Variants in TIE1 observed in about 807,000 individuals in gnomAD.
TIE1 encodes tyrosine-protein kinase receptor Tie-1.
A neutral mutation model predicts 130.5 loss-of-function variants in TIE1; 89 were observed. The observed-to-expected ratio is 0.68, with a 90% confidence interval of 0.57 to 0.81. The LOEUF (loss-of-function observed/expected upper bound fraction) is 0.81. Among genes scored for constraint, TIE1 ranks in the 40% least tolerant of loss-of-function variants. The pLI is 0.00. For missense variants in TIE1, 1,392 were observed against 1,559.8 expected (o/e 0.89, Z 1.81); for synonymous variants, 568 against 629.4 (o/e 0.90, Z 1.46).
Position 43,322,576 on chromosome 1 carries a change from C to A in TIE1, c.3346-75C>A. The A allele has an allele frequency of 1.8e-6, 2 of 1,140,280 alleles. No individual in the cohort carries two copies. Among genetic ancestry groups the A allele is most frequent in the Non-Finnish European group, 2.6e-6 (2 of 758,768 alleles). The allele number at this position is 1,140,280 out of a possible 1,614,324, so 70.6% of individuals were successfully genotyped here. On this transcript the variant is annotated intron_variant, in intron 22 of 22. Coordinates refer to ENST00000372476, the MANE Select transcript of TIE1 (RefSeq NM_005424.5). This position sits in a 1 kb window ranked among gnomAD's most constrained non-coding sequence, Gnocchi z 4.0. ...TCAGTGTCAGTTCAAATGCCCCCAC[C>A]ACATGGAAGTCCAGGAGCTTGAGGC...
Position 43,309,092 on chromosome 1 carries a change from C to T in TIE1, c.1149C>T (p.Gly383=). Residue 383 remains glycine, a synonymous_variant, in exon 8 of 23, where the codon GGC becomes GGT. Transcript: ENST00000372476. This position sits in a 1 kb window ranked among gnomAD's most constrained non-coding sequence, Gnocchi z 6.3. ...AAAGNPFPVR[G]SIELRKPDGT... Reference sequence around the variant, plus strand: ...CAGGGAACCCCTTCCCCGTGCGGGGCAGCATAGAGCTACGCAAGCCAGACG... The same window carrying T: ...CAGGGAACCCCTTCCCCGTGCGGGGTAGCATAGAGCTACGCAAGCCAGACG... The T allele has an allele frequency of 6.2e-7, 1 of 1,612,630 alleles. No individual in the cohort carries two copies. Among genetic ancestry groups the T allele is most frequent in the Non-Finnish European group, 8.5e-7 (1 of 1,179,024 alleles).
chr1:43,307,219 C>T lies in TIE1; in HGVS notation c.718C>T (p.His240Tyr). The T allele has an allele frequency of 6.2e-7, 1 of 1,614,136 alleles. No homozygotes were observed. Among genetic ancestry groups the T allele is most frequent in the Non-Finnish European group, 8.5e-7 (1 of 1,180,002 alleles). ...GCLHGGVCHD[H>Y]DGECVCPPGF... is the part of the protein sequence containing the mutation. ...CCTACATGGAGGTGTCTGCCACGAC[C>T]ATGACGGCGAATGTGTATGCCCCCC... Residue 240 changes from histidine to tyrosine, a missense_variant, in exon 5 of 23, where the codon CAT becomes TAT. Coordinates refer to ENST00000372476, the MANE Select transcript of TIE1 (RefSeq NM_005424.5). This position sits in a 1 kb window ranked among gnomAD's most constrained non-coding sequence, Gnocchi z 5.4.
At chr1:43,302,690 G>A (rs1310673426) in intron 1 of TIE1, among the ~76,000 whole-genome samples, 3 of 152,240 alleles carry the variant, frequency 2.0e-5, no homozygotes, top group South Asian at 2.1e-4. Flanking sequence ...TTAGGAGCAC[G>A]AACATTATCC....
rs1018573489 is a variant in TIE1, at chr1:43,321,123, A to G, written c.3108-146A>G. The G allele has an allele frequency of 8.7e-6, 7 of 804,078 alleles. No individual in the cohort carries two copies. In the African/African-American group the frequency reaches 1.0e-4, roughly 12 times the overall value. 49.8% of individuals were successfully genotyped at this position (804,078 alleles called of 1,614,324 possible). A position where few individuals can be genotyped will look rare whatever the true frequency, so the allele number is the denominator to read the frequency against. Reference sequence around the variant, plus strand: ...CAGTATGAAGGAGCTTCATTGGCGCAGAGACAACAGCTGGCCAAGGCCAGA... The same window carrying G: ...CAGTATGAAGGAGCTTCATTGGCGCGGAGACAACAGCTGGCCAAGGCCAGA... On this transcript the variant is annotated intron_variant, in intron 19 of 22. Coordinates refer to ENST00000372476, the MANE Select transcript of TIE1 (RefSeq NM_005424.5).
intron 19 of TIE1, chr1:43,320,113 A>T: frequency 6.4e-6 from 1 of 157,082 alleles, no homozygotes; most frequent in Non-Finnish European, 1.4e-5. Context: ...CTGCCCCAAC[A>T]CTCCCTTGAT....
At position 43,305,170 on chromosome 1, in the gene TIE1, G is replaced by A; in HGVS notation, c.373+5G>A. 2 of 1,614,068 alleles carry A rather than the reference G, an allele frequency of 1.2e-6. No homozygotes were observed. Among genetic ancestry groups the A allele is most frequent in the Non-Finnish European group, 1.7e-6 (2 of 1,179,976 alleles). On this transcript the variant is annotated splice_donor_5th_base_variant and intron_variant, in intron 2 of 22. Transcript: ENST00000372476. Reference sequence around the variant, plus strand: ...ACGTGCACAACAGCCCTGGAGGTGAGTTAGGCAGGCGGGGGGATGGCGCGG... The same window carrying A: ...ACGTGCACAACAGCCCTGGAGGTGAATTAGGCAGGCGGGGGGATGGCGCGG...
At chr1:43,308,864 T>C in intron 7 of TIE1, 122 bp from the exon 8 acceptor site, 2 of 1,404,376 alleles carry the variant, frequency 1.4e-6, no homozygotes, top group Non-Finnish European at 2.0e-6. Flanking sequence ...CCTTTGCTGG[T>C]TTTCAGGCTG....
At position 43,322,731 on chromosome 1, in the gene TIE1, C is replaced by T. The variant is rs766886788; in HGVS notation, c.*9C>T. ...CAGCTGAGGAGGCCTGAGCTGCCAT[C>T]CAGCCAGAACGTGGCTCTGCTGGCC... On this transcript the variant is annotated 3_prime_UTR_variant, in exon 23 of 23. Coordinates refer to ENST00000372476, the MANE Select transcript of TIE1 (RefSeq NM_005424.5). The surrounding 1 kb of genome is among the most constrained non-coding windows in gnomAD (Gnocchi z 4.0). The T allele has an allele frequency of 5.8e-5, 94 of 1,613,142 alleles. No homozygotes were observed. The Admixed American group carries it at 9.7e-4, about 17-fold the overall frequency.
Position 43,313,515 on chromosome 1 carries a change from T to TA in TIE1, c.2218+91dup. ...TCCACATCACCCCCTACTGTGGAGC[T>TA]AGGGCATCCCAGGCCCCTCCTGACA... On this transcript the variant is annotated intron_variant, in intron 13 of 22. Coordinates refer to ENST00000372476, the MANE Select transcript of TIE1 (RefSeq NM_005424.5). This position sits in a 1 kb window ranked among gnomAD's most constrained non-coding sequence, Gnocchi z 6.2. The TA allele has an allele frequency of 6.7e-7, 1 of 1,486,726 alleles. No individual in the cohort carries two copies. The highest frequency in any genetic ancestry group is 9.2e-7 in the Non-Finnish European group (1 of 1,090,578). 92.1% of individuals were successfully genotyped at this position (1,486,726 alleles called of 1,614,324 possible).
intron 1 of TIE1, 34 bp downstream of exon 1, chr1:43,301,163 A>G: frequency 2.5e-6 from 4 of 1,595,118 alleles, no homozygotes; most frequent in Non-Finnish European, 2.6e-6. Flanking sequence ...CCCCATTTCT[A>G]GGCCCCGAGG....
At chr1:43,311,406 T>TG (rs1249380404) in intron 9 of TIE1, among the ~76,000 whole-genome samples, 1 of 151,926 alleles carries the variant, frequency 6.6e-6, no homozygotes, top group African/African-American at 2.4e-5. Flanking sequence ...CCACACTGCA[T>TG]GGGAAGAGTG....
rs1340416420 is a variant in TIE1 at position 43,312,712 on chromosome 1, G to A, written c.1927+111G>A. 1 of 1,253,678 alleles carries A rather than the reference G, an allele frequency of 8.0e-7. No individual in the cohort carries two copies. Among genetic ancestry groups the A allele is most frequent in the Non-Finnish European group, 1.1e-6 (1 of 918,258 alleles). The allele number at this position is 1,253,678 out of a possible 1,614,324, so 77.7% of individuals were successfully genotyped here. On this transcript the variant is annotated intron_variant, in intron 12 of 22. Coordinates refer to ENST00000372476, the MANE Select transcript of TIE1 (RefSeq NM_005424.5). This position sits in a 1 kb window ranked among gnomAD's most constrained non-coding sequence, Gnocchi z 5.6. ...GTAGGAGATTAATGGACATGGAGAG[G>A]ACACAGGACACACATAGGGTATTAG...
chr1:43,320,420 A>G (rs1289642705), intron 19 of TIE1: 1 of 152,260 alleles, frequency 6.6e-6, no homozygotes, highest in African/African-American at 2.4e-5. Context: ...GTAAGTGCTC[A>G]ATAAAAATGT....
rs1410900359 is a variant in TIE1 at position 43,306,952 on chromosome 1, A to T, written c.597A>T (p.Glu199Asp). The T allele has an allele frequency of 1.2e-6, 2 of 1,614,038 alleles. No individual in the cohort carries two copies. The highest frequency in any genetic ancestry group is 1.7e-6 in the Non-Finnish European group (2 of 1,180,006). ...SSGIYSATYLEASPLGSAFFR... is the reference protein window; with the variant it reads ...SSGIYSATYLDASPLGSAFFR... ...GCATCTACAGTGCCACTTACCTGGA[A>T]GCCAGCCCCCTGGGCAGCGCCTTCT... The change falls in exon 4 of 23, where the codon GAA becomes GAT. Residue 199 changes from glutamate to aspartate, a missense_variant. By Grantham distance (45) the Glu-to-Asp change is conservative. Around this residue, in one of 6 missense-constraint regions of TIE1, gnomAD observed 415 missense variants for 424.8 expected, o/e 0.98. Transcript: ENST00000372476. The surrounding 1 kb of genome is among the most constrained non-coding windows in gnomAD (Gnocchi z 4.9).
At position 43,317,380 on chromosome 1, in the gene TIE1, A is replaced by T; in HGVS notation, c.2591A>T (p.Lys864Met). 1 of 1,614,086 alleles carries T rather than the reference A, an allele frequency of 6.2e-7. No homozygotes were observed. The highest frequency in any genetic ancestry group is 8.5e-7 in the Non-Finnish European group (1 of 1,180,018). Residue 864 changes from lysine to methionine, a missense_variant, in exon 15 of 23, where the codon AAG becomes ATG. By Grantham distance (95) the Lys-to-Met change is moderately conservative (BLOSUM62 -1). Around this residue, in one of 6 missense-constraint regions of TIE1, gnomAD observed 286 missense variants for 354.4 expected, o/e 0.81. Coordinates refer to ENST00000372476, the MANE Select transcript of TIE1 (RefSeq NM_005424.5). This position sits in a 1 kb window ranked among gnomAD's most constrained non-coding sequence, Gnocchi z 5.1. ...IRAMIKKDGLKMNAAIKMLKE... is the reference protein window; with the variant it reads ...IRAMIKKDGLMMNAAIKMLKE... ...GCCATGATCAAGAAGGACGGGCTGA[A>T]GATGAACGCAGCCATCAAAATGCTG...
intron 1 of TIE1, among the ~76,000 whole-genome samples, chr1:43,303,891 G>A (rs1039881502): frequency 6.6e-6 from 1 of 152,158 alleles, no homozygotes; most frequent in African/African-American, 2.4e-5. Flanking sequence ...CCAGGCTGGA[G>A]CAGGGGTCCC....
rs752018558 is a variant in TIE1 at position 43,322,746 on chromosome 1, C to A, written c.*24C>A. The stretch of plus-strand genomic sequence containing the variant: ...GAGCTGCCATCCAGCCAGAACGTGG[C>A]TCTGCTGGCCGGAGCAAACTCTGCT... On this transcript the variant is annotated 3_prime_UTR_variant, in exon 23 of 23. Transcript: ENST00000372476. The surrounding 1 kb of genome is among the most constrained non-coding windows in gnomAD (Gnocchi z 4.0). 5.6e-6 allele frequency: 9 copies of A among 1,610,700 alleles called. No individual in the cohort carries two copies. Among genetic ancestry groups the A allele is most frequent in the Non-Finnish European group, 7.6e-6 (9 of 1,178,458 alleles).
At chr1:43,314,533 G>A in intron 14 of TIE1, 2 of 999,352 alleles carry the variant, frequency 2.0e-6, no homozygotes, top group Non-Finnish European at 2.4e-6. Context: ...TCCTTTTGGA[G>A]ACTTAAGAAA....
Position 43,319,530 on chromosome 1 carries a change from G to A in TIE1, c.3107+1G>A, listed in dbSNP as rs763290983. The A allele has an allele frequency of 3.7e-6, 6 of 1,613,990 alleles. No homozygotes were observed. Among genetic ancestry groups the A allele is most frequent in the Non-Finnish European group, 5.1e-6 (6 of 1,179,944 alleles). On this transcript the variant is annotated splice_donor_variant, in intron 19 of 22. Coordinates refer to ENST00000372476, the MANE Select transcript of TIE1 (RefSeq NM_005424.5). LOFTEE classifies it high-confidence loss of function. This position sits in a 1 kb window ranked among gnomAD's most constrained non-coding sequence, Gnocchi z 4.7. ...GTGTCTATACCACCAAGAGTGATGT[G>A]TGAGTGTGAGATGAGAGGGCACAGG...
Sources: allele counts gnomAD v4.1 joint callset (sites outside exome capture counted in the v4.1 genomes callset), GRCh38; gene constraint gnomAD v4.1.1; regional missense constraint gnomAD v4.1.1; non-coding constraint Gnocchi (gnomAD v3.1); transcripts MANE v1.5; gene names NCBI Gene and HGNC (gene_info 2026-07-23, HGNC 2026-07-21).